The following ACTR5 variants were observed in gnomAD, a reference collection of about 807,000 sequenced individuals.
ACTR5 encodes the protein actin related protein 5, also known as actin-related protein 5.
In ACTR5, 43 loss-of-function variants were observed where a neutral mutation model predicts 61.2. The observed-to-expected ratio is 0.70, with a 90% CI of 0.55 to 0.91. The LOEUF (loss-of-function observed/expected upper bound fraction) is 0.91, where lower values mean the gene tolerates loss of function less well. Among genes scored for constraint, ACTR5 ranks in the 40% least tolerant of loss-of-function variants. The pLI is 0.00. For synonymous variants in ACTR5, 333 were observed against 310.5 expected (o/e 1.07, Z -0.76); for missense variants, 798 against 782.2 (o/e 1.02, Z -0.24).
chr20:38,765,545 C>G (rs534821560), intron 6 of ACTR5, 27 bp downstream of exon 6: 1 of 1,574,326 alleles, frequency 6.4e-7, no homozygotes, highest in Non-Finnish European at 8.7e-7. Flanking sequence ...CCAGAACATG[C>G]TTATTCTTTG....
intron 5 of ACTR5, among the ~76,000 whole-genome samples, chr20:38,757,414 A>C (rs1430436089): frequency 6.6e-6 from 1 of 150,488 alleles, no homozygotes; most frequent in East Asian, 1.9e-4. Context: ...ATTCCAAAAC[A>C]AAGGAACTTA....
chr20:38,749,386 C>CA (rs2084372882), intron 1 of ACTR5, among the ~76,000 whole-genome samples: 1 of 152,146 alleles, frequency 6.6e-6, no homozygotes, highest in Non-Finnish European at 1.5e-5. Context: ...ACGGTCCAGG[C>CA]AGAGGGAGCA....
chr20:38,771,485 G>A, intron 8 of ACTR5, 74 bp from the exon 9 acceptor site: 2 of 1,553,118 alleles, frequency 1.3e-6, no homozygotes, highest in Admixed American at 1.9e-5. Context: ...AATATCGGGG[G>A]CTGTAGCTGA....
intron 5 of ACTR5, among the ~76,000 whole-genome samples, chr20:38,757,964 C>T (rs1198221625): frequency 6.6e-6 from 1 of 151,446 alleles, no homozygotes; most frequent in Non-Finnish European, 1.5e-5. Flanking sequence ...TACTGAAATC[C>T]GGAACCATGT....
chr20:38,748,830 C>T lies in ACTR5; in HGVS notation c.352C>T (p.Gln118Ter), dbSNP rs1430857019. Residue 118 changes from glutamine (Q) to a stop codon, truncating the protein, a stop_gained, in exon 1 of 9, where the codon CAG becomes TAG. Coordinates refer to ENST00000243903, the MANE Select transcript of ACTR5 (RefSeq NM_024855.4). LOFTEE classifies it high-confidence loss of function. ...LQELLLDYSF[Q>*]HLGVSSQGCV... ...GGAGTTGCTGCTGGACTACAGCTTC[C>T]AGCACCTGGGTGTCTCCTCACAGGT... is the stretch of plus-strand genomic sequence containing the variant. 2.5e-6 allele frequency: 4 copies of T among 1,608,384 alleles called. No individual in the cohort carries two copies. In the South Asian group the frequency reaches 3.3e-5, roughly 13 times the overall value.
intron 7 of ACTR5, 111 bp from the exon 8 acceptor site, chr20:38,767,353 C>A: frequency 4.7e-6 from 4 of 847,154 alleles, no homozygotes; most frequent in African/African-American, 1.8e-5. Flanking sequence ...TTTTTTTTAG[C>A]TTTTTGTGTA....
intron 5 of ACTR5, 148 bp downstream of exon 5, chr20:38,756,187 A>G (rs2084419132): frequency 2.1e-6 from 2 of 935,198 alleles, no homozygotes; most frequent in Non-Finnish European, 1.5e-6. Context: ...ACCTTGTACC[A>G]ACTGAAATTC....
chr20:38,759,318 CAT>C (rs2084439361), intron 5 of ACTR5, among the ~76,000 whole-genome samples: 1 of 152,152 alleles, frequency 6.6e-6, no homozygotes, highest in Admixed American at 6.5e-5. Context: ...AAAGAACAGT[CAT>C]ATTAGTGTTT....
intron 5 of ACTR5, among the ~76,000 whole-genome samples, chr20:38,760,765 A>C (rs1319391441): frequency 6.6e-6 from 1 of 152,190 alleles, no homozygotes; most frequent in East Asian, 1.9e-4. Flanking sequence ...TGTAACCCTT[A>C]GGCTGTATTG....
Position 38,765,535 on chromosome 20 carries a change from C to A in ACTR5, c.1293+17C>A. The A allele has an allele frequency of 6.3e-7, 1 of 1,588,816 alleles. No homozygotes were observed. The highest frequency in any genetic ancestry group is 8.6e-7 in the Non-Finnish European group (1 of 1,156,976). ...ACTGTTCAGGTTTGACTTCTACAGC[C>A]CAGAACATGCTTATTCTTTGAAGGT... is the stretch of plus-strand genomic sequence containing the variant. On this transcript the variant is annotated intron_variant, in intron 6 of 8. Transcript: ENST00000243903.
In ACTR5 at chr20:38,748,493, G is replaced by A. The variant is rs566832680; in HGVS notation, c.15G>A (p.Val5=). The A allele has an allele frequency of 1.3e-6, 2 of 1,492,898 alleles. No individual in the cohort carries two copies. The highest frequency in any genetic ancestry group is 1.5e-5 in the African/African-American group (1 of 68,630). 92.5% of individuals were successfully genotyped at this position (1,492,898 alleles called of 1,614,324 possible). ...CGCGCTCCAAGATGGCGGCGAACGT[G>A]TTCCCGTTCCGCGACGCCCGTGCCG... MAAN[V]FPFRDARAAP... The change falls in exon 1 of 9, where the codon GTG becomes GTA. Residue 5 remains valine (V), a synonymous_variant. Coordinates refer to ENST00000243903, the MANE Select transcript of ACTR5 (RefSeq NM_024855.4).
chr20:38,762,912 C>A (rs1268285299), intron 5 of ACTR5, among the ~76,000 whole-genome samples: 2 of 152,212 alleles, frequency 1.3e-5, no homozygotes, highest in Non-Finnish European at 2.9e-5. Context: ...CAGATGACAT[C>A]TTTGTCTTCA....
At position 38,767,517 on chromosome 20, in the gene ACTR5, G is replaced by A. The variant is rs746538809; in HGVS notation, c.1487G>A (p.Gly496Asp). ...MLVQNVFLTG[G>D]NTMYPGMKAR... ...GTTCAGAACGTTTTCCTCACTGGCGGCAACACGATGTATCCTGGCATGAAA... is the reference window on the plus strand; with the variant it reads ...GTTCAGAACGTTTTCCTCACTGGCGACAACACGATGTATCCTGGCATGAAA... The change falls in exon 8 of 9, where the codon GGC (glycine) becomes GAC (aspartate). Residue 496 changes from glycine (G) to aspartate (D), a missense_variant. Physicochemically the swap from Gly to Asp is moderately conservative, Grantham distance 94 (BLOSUM62 -1). Transcript: ENST00000243903. 6.8e-6 allele frequency: 11 copies of A among 1,614,092 alleles called. No individual in the cohort carries two copies. Among genetic ancestry groups the A allele is most frequent in the Middle Eastern group, 1.6e-4 (1 of 6,062 alleles).
chr20:38,768,773 C>T (rs1181454253), intron 8 of ACTR5, among the ~76,000 whole-genome samples: 1 of 152,110 alleles, frequency 6.6e-6, no homozygotes, highest in Non-Finnish European at 1.5e-5. Flanking sequence ...TACCAAGGCC[C>T]CACCCTTGTA....
intron 8 of ACTR5, among the ~76,000 whole-genome samples, chr20:38,769,451 TAGTA>T (rs2084507308): frequency 6.6e-6 from 1 of 152,144 alleles, no homozygotes; most frequent in Non-Finnish European, 1.5e-5. Context: ...CAGAGCTTGA[TAGTA>T]AGTTGGATCT....
At chr20:38,755,593 C>T (rs1346560216) in intron 4 of ACTR5, among the ~76,000 whole-genome samples, 1 of 150,402 alleles carries the variant, frequency 6.6e-6, no homozygotes, top group South Asian at 2.1e-4. Context: ...TCACATCCCC[C>T]GCCCCACCAA....
chr20:38,750,722 G>A (rs189233969), intron 2 of ACTR5, among the ~76,000 whole-genome samples: 2 of 151,904 alleles, frequency 1.3e-5, no homozygotes, highest in African/African-American at 2.4e-5. Flanking sequence ...TCCGCCTCCC[G>A]GGTTCAATTG....
chr20:38,766,197 A>G, intron 6 of ACTR5, 41 bp from the exon 7 acceptor site: 1 of 1,578,798 alleles, frequency 6.3e-7, no homozygotes, highest in South Asian at 1.2e-5. Flanking sequence ...AATGTTTGTC[A>G]TTTGGCCTAA....
Position 38,772,121 on chromosome 20 carries a change from C to T in ACTR5, c.*305C>T, listed in dbSNP as rs2084523532. On this transcript the variant is annotated 3_prime_UTR_variant, in exon 9 of 9. Transcript: ENST00000243903. ...AGACAGAGTGGAGGACACAAATGTA[C>T]AAAATGCACAAGACTGATTTCTTAC... is the stretch of plus-strand genomic sequence containing the variant. 1 of 367,890 alleles carries T rather than the reference C, an allele frequency of 2.7e-6. No individual in the cohort carries two copies. Among genetic ancestry groups the T allele is most frequent in the Non-Finnish European group, 5.0e-6 (1 of 200,538 alleles). 22.8% of individuals were successfully genotyped at this position (367,890 alleles called of 1,614,324 possible). A position where few individuals can be genotyped will look rare whatever the true frequency, so the allele number is the denominator to read the frequency against.
Sources: allele counts gnomAD v4.1 joint callset (sites outside exome capture counted in the v4.1 genomes callset), GRCh38; gene constraint gnomAD v4.1.1; transcripts MANE v1.5; gene names NCBI Gene and HGNC (gene_info 2026-07-23, HGNC 2026-07-21).